The following EWSR1 variants were observed in gnomAD, a reference collection of about 807,000 sequenced individuals.
The protein encoded by EWSR1 is EWS RNA binding protein 1.
EWSR1 carries 14 observed loss-of-function variants against 92.1 expected under a neutral mutation model. The observed-to-expected ratio is 0.15, with a 90% CI of 0.10 to 0.24. The LOEUF (loss-of-function observed/expected upper bound fraction) is 0.24. Ranked by LOEUF, EWSR1 falls within the 10% of genes least tolerant of loss-of-function variation. The pLI, the probability that EWSR1 is intolerant of heterozygous loss-of-function variation, is 1.00. For synonymous variants in EWSR1, 303 were observed against 292.9 expected, an observed-to-expected ratio of 1.03 and a Z score of -0.35; for missense variants, 637 against 870.9, an observed-to-expected ratio of 0.73 and a Z score of 3.38.
chr22:29,268,377 C>G, intron 1 of EWSR1, 28 bp downstream of exon 1: 1 of 1,613,910 alleles, frequency 6.2e-7, no homozygotes, highest in Non-Finnish European at 8.5e-7. Context: ...GCGGTCGCGC[C>G]GGCGGTAGCC....
At chr22:29,281,877 C>T (rs2059634683) in intron 5 of EWSR1, among the ~76,000 whole-genome samples, 3 of 152,182 alleles carry the variant, frequency 2.0e-5, no homozygotes, top group Admixed American at 6.5e-5. Context: ...GAGCCATTCT[C>T]GCCTGGCCTT....
At chr22:29,292,363 C>T (rs141281014) in intron 10 of EWSR1, 125 bp from the exon 11 acceptor site, 2 of 920,766 alleles carry the variant, frequency 2.2e-6, no homozygotes, top group Middle Eastern at 2.2e-4. Context: ...TGATAGCATT[C>T]TTCTTAGTAT....
In EWSR1 at chr22:29,284,437, G is replaced by A. The variant is rs575106807; in HGVS notation, c.581+1880G>A. Among the ~76,000 whole-genome samples the A allele has an allele frequency of 3.3e-5, 5 of 151,512 alleles. No homozygotes were observed. In the South Asian group the frequency reaches 8.3e-4, roughly 25 times the overall value. On this transcript the variant is annotated intron_variant, in intron 6 of 16. Transcript: ENST00000397938. ...TTTAGGAACAAGTAGAATTGATTGG[G>A]TGTCTCTCCATACAGCCAGCTTGGA...
chr22:29,293,146 TTA>T (rs1300753398), intron 11 of EWSR1, among the ~76,000 whole-genome samples: 1 of 152,184 alleles, frequency 6.6e-6, no homozygotes, highest in East Asian at 1.9e-4. Context: ...GTAGCTGGAC[TTA>T]TAGGCACATG....
At chr22:29,280,694 A>G (rs1457565328) in intron 5 of EWSR1, among the ~76,000 whole-genome samples, 9 of 142,770 alleles carry the variant, frequency 6.3e-5, no homozygotes, top group Middle Eastern at 3.6e-3. Context: ...TTTTTTTAAG[A>G]TGGAGTTTTG....
intron 4 of EWSR1, 194 bp from the exon 5 acceptor site, chr22:29,277,836 C>T: frequency 1.8e-6 from 1 of 555,158 alleles, no homozygotes; most frequent in Non-Finnish European, 3.2e-6. Flanking sequence ...GTTACTTTAC[C>T]AAAAACTAGG....
chr22:29,296,712 T>C, intron 12 of EWSR1, among the ~76,000 whole-genome samples: 1 of 152,122 alleles, frequency 6.6e-6, no homozygotes, highest in East Asian at 1.9e-4. Context: ...ACATTAATGG[T>C]GGGATTTCAC....
At chr22:29,282,671 G>A in intron 6 of EWSR1, 114 bp downstream of exon 6, 1 of 828,726 alleles carries the variant, frequency 1.2e-6, no homozygotes, top group Non-Finnish European at 1.7e-6. Flanking sequence ...CTGTCGCAGT[G>A]ATAAGTCATC....
At chr22:29,296,901 G>C (rs1014916627) in intron 12 of EWSR1, among the ~76,000 whole-genome samples, 4 of 152,106 alleles carry the variant, frequency 2.6e-5, no homozygotes, top group Non-Finnish European at 5.9e-5. Context: ...AAATTAGCCA[G>C]GTGTTGTGGC....
At chr22:29,286,454 C>G (rs957539107) in intron 6 of EWSR1, among the ~76,000 whole-genome samples, 1 of 151,844 alleles carries the variant, frequency 6.6e-6, no homozygotes. Flanking sequence ...TTTGGGAGGC[C>G]GAGGTGGGCG....
chr22:29,288,557 A>G (rs1352058761), intron 7 of EWSR1, 49 bp from the exon 8 acceptor site: 1 of 1,517,922 alleles, frequency 6.6e-7, no homozygotes, highest in East Asian at 2.4e-5. Flanking sequence ...TACATCAGGC[A>G]GTGGTGTAAA....
chr22:29,295,440 C>G, intron 11 of EWSR1: 1 of 209,806 alleles, frequency 4.8e-6, no homozygotes. Flanking sequence ...CCAGCCTGGA[C>G]AACAGAGTGA....
At chr22:29,287,762 G>A (rs1162032301) in intron 7 of EWSR1, among the ~76,000 whole-genome samples, 1 of 152,292 alleles carries the variant, frequency 6.6e-6, no homozygotes, top group East Asian at 1.9e-4. Flanking sequence ...ATTCAACATC[G>A]TTTTTGGCCT....
intron 1 of EWSR1, among the ~76,000 whole-genome samples, chr22:29,271,057 C>G (rs1411233090): frequency 2.0e-5 from 3 of 152,092 alleles, no homozygotes; most frequent in East Asian, 1.9e-4. Context: ...CTCAGGCCGC[C>G]GAGGGATTGT....
chr22:29,280,559 T>G (rs1351865731), intron 5 of EWSR1, among the ~76,000 whole-genome samples: 2 of 152,028 alleles, frequency 1.3e-5, no homozygotes, highest in Non-Finnish European at 2.9e-5. Flanking sequence ...TTGGGAGGGG[T>G]CTCTTTGCCT....
chr22:29,299,513 A>G (rs1446028245), intron 15 of EWSR1, 86 bp from the exon 16 acceptor site: 4 of 1,502,860 alleles, frequency 2.7e-6, no homozygotes, highest in Non-Finnish European at 3.6e-6. Context: ...CTGCTGTGAG[A>G]GAAGGAAGCA....
intron 6 of EWSR1, among the ~76,000 whole-genome samples, chr22:29,285,496 C>T (rs910340787): frequency 1.3e-5 from 2 of 151,302 alleles, no homozygotes; most frequent in Non-Finnish European, 2.9e-5. Flanking sequence ...TTGACATAAT[C>T]TTAATATTTG....
In EWSR1 at chr22:29,289,223, A is replaced by C. The variant is rs1050020245; in HGVS notation, c.974+437A>C. 8.1e-5 allele frequency: 19 copies of C among 234,874 alleles called. No homozygotes were observed. The South Asian group carries it at 9.0e-4, about 11-fold the overall frequency. The allele number at this position is 234,874 out of a possible 1,614,324, so 14.5% of individuals were successfully genotyped here. Reference sequence around the variant, plus strand: ...CTGTTTTCCACAGTGTTTGTCCCCAACTTCTGTTTGTACTCAGAATCGTTG... The same window carrying C: ...CTGTTTTCCACAGTGTTTGTCCCCACCTTCTGTTTGTACTCAGAATCGTTG... On this transcript the variant is annotated intron_variant, in intron 8 of 16. Coordinates refer to ENST00000397938, the MANE Select transcript of EWSR1 (RefSeq NM_005243.4).
intron 9 of EWSR1, chr22:29,291,869 T>C (rs949479266): frequency 7.0e-6 from 4 of 567,386 alleles, no homozygotes; most frequent in Non-Finnish European, 9.2e-6. Context: ...AAATTTTGAC[T>C]TAAATTTAAC....
Sources: allele counts gnomAD v4.1 joint callset (sites outside exome capture counted in the v4.1 genomes callset), GRCh38; gene constraint gnomAD v4.1.1; transcripts MANE v1.5; gene names NCBI Gene and HGNC (gene_info 2026-07-23, HGNC 2026-07-21).